Variants in SCN1A observed in about 807,000 individuals in gnomAD.
SCN1A encodes the protein sodium voltage-gated channel alpha subunit 1, also known as sodium channel protein type 1 subunit alpha.
In SCN1A, 13 loss-of-function variants were observed where a neutral mutation model predicts 193.7. That is an observed-to-expected ratio of 0.07 (90% CI 0.04 to 0.11). SCN1A has a LOEUF of 0.11. Ranked by LOEUF, SCN1A falls within the 10% of genes least tolerant of loss-of-function variation. The pLI, the probability that SCN1A is intolerant of heterozygous loss-of-function variation, is 1.00. For synonymous variants in SCN1A, 781 were observed against 843.6 expected, an observed-to-expected ratio of 0.93 and a Z score of 1.29; for missense variants, 1,432 against 2,451.1, an observed-to-expected ratio of 0.58 and a Z score of 8.78.
At chr2:166,121,091 G>A (rs1264799892) in intron 2 of SCN1A, among the ~76,000 whole-genome samples, 1 of 144,130 alleles carries the variant, frequency 6.9e-6, no homozygotes, top group Non-Finnish European at 1.5e-5. Context: ...GAATTTTGGT[G>A]TTAAACATGA....
chr2:166,065,507 G>A (rs984844053), intron 4 of SCN1A, among the ~76,000 whole-genome samples: 13 of 152,244 alleles, frequency 8.5e-5, no homozygotes, highest in African/African-American at 2.6e-4. Context: ...GTGAGTTCAA[G>A]CCAAGCTTTT....
chr2:166,084,500 G>C (rs919550425), intron 2 of SCN1A, among the ~76,000 whole-genome samples: 3 of 152,116 alleles, frequency 2.0e-5, no homozygotes, highest in Non-Finnish European at 4.4e-5. Flanking sequence ...AGAGGAAATA[G>C]TGCCTGAGTC....
rs142324052 is a variant in SCN1A at position 166,026,967 on chromosome 2, A to G, written c.3429+9081T>C. 172 of 152,318 alleles carry G rather than the reference A, an allele frequency of 1.1e-3. 1 individual carries two copies. Among genetic ancestry groups the G allele is most frequent in the African/African-American group, 4.0e-3 (166 of 41,578 alleles). The allele number at this position is 152,318 out of a possible 1,614,324, so 9.4% of individuals were successfully genotyped here. A position where few individuals can be genotyped will look rare whatever the true frequency, so the allele number is the denominator to read the frequency against. Reference sequence around the variant, plus strand: ...CGGAATATTTCTTAAAATCTATTTTAATGTTTATTAAACCATGAATCAACC... The same window carrying G: ...CGGAATATTTCTTAAAATCTATTTTGATGTTTATTAAACCATGAATCAACC... On this transcript the variant is annotated intron_variant, in intron 19 of 28. Transcript: ENST00000674923.
intron 19 of SCN1A, among the ~76,000 whole-genome samples, chr2:166,022,755 G>T (rs1365954): frequency 6.6e-6 from 1 of 152,112 alleles, no homozygotes; most frequent in Non-Finnish European, 1.5e-5. Flanking sequence ...TTTTCTTCAA[G>T]AAATAAATAA....
chr2:166,061,197 C>G (rs1328888564), intron 4 of SCN1A, among the ~76,000 whole-genome samples: 1 of 151,966 alleles, frequency 6.6e-6, no homozygotes, highest in African/African-American at 2.4e-5. Context: ...ACTGTTCAGC[C>G]CAAACCATGA....
intron 18 of SCN1A, among the ~76,000 whole-genome samples, chr2:166,036,740 T>C (rs897355714): frequency 6.6e-6 from 1 of 152,202 alleles, no homozygotes; most frequent in African/African-American, 2.4e-5. Flanking sequence ...ATGATTTCTG[T>C]TGCTCTCAAG....
chr2:165,995,443 C>T (rs1268348105), intron 27 of SCN1A, among the ~76,000 whole-genome samples: 1 of 151,736 alleles, frequency 6.6e-6, no homozygotes, highest in Non-Finnish European at 1.5e-5. Context: ...TATTTATCAT[C>T]ATAAACTGTA....
chr2:166,140,407 A>G lies in SCN1A; in HGVS notation c.-50+8640T>C, dbSNP rs374237665. On this transcript the variant is annotated intron_variant, in intron 1 of 26. Coordinates refer to the SCN1A transcript ENST00000635750. Reference sequence around the variant, plus strand: ...CTGACCGAAGATAGTTTTTAGGTGTATGATCAGTCTGTAGCCTGGATTCTT... The same window carrying G: ...CTGACCGAAGATAGTTTTTAGGTGTGTGATCAGTCTGTAGCCTGGATTCTT... Among the ~76,000 whole-genome samples the G allele has an allele frequency of 2.6e-5, 4 of 152,248 alleles. No homozygotes were observed. The East Asian group carries it at 5.8e-4, about 22-fold the overall frequency.
intron 2 of SCN1A, among the ~76,000 whole-genome samples, chr2:166,085,285 A>G (rs1685988904): frequency 6.6e-6 from 1 of 152,182 alleles, no homozygotes; most frequent in African/African-American, 2.4e-5. Flanking sequence ...TATTTAATTT[A>G]TGTTTTAAGA....
At chr2:166,000,190 C>T (rs1159025979) in intron 24 of SCN1A, 1 of 198,128 alleles carries the variant, frequency 5.0e-6, no homozygotes, top group African/African-American at 2.3e-5. Context: ...GCAGGGTGAT[C>T]AAAGTGATTG....
chr2:166,006,034 T>C (rs2105536467), intron 23 of SCN1A, among the ~76,000 whole-genome samples: 1 of 151,476 alleles, frequency 6.6e-6, no homozygotes, highest in South Asian at 2.1e-4. Flanking sequence ...GGATTGATAA[T>C]TAAATATGCA....
At chr2:166,079,543 CAT>C (rs1330556702) in intron 2 of SCN1A, among the ~76,000 whole-genome samples, 1 of 150,208 alleles carries the variant, frequency 6.7e-6, no homozygotes, top group Admixed American at 6.7e-5. Flanking sequence ...TATATTTTAA[CAT>C]ATGTGATCAT....
At chr2:166,046,673 C>T in intron 12 of SCN1A, 97 bp downstream of exon 12, 1 of 1,136,560 alleles carries the variant, frequency 8.8e-7, no homozygotes, top group Non-Finnish European at 1.3e-6. Context: ...ATTAATTCCT[C>T]ATACAACCAC....
intron 10 of SCN1A, 28 bp downstream of exon 10, chr2:166,048,858 C>A: frequency 1.4e-6 from 2 of 1,431,310 alleles, no homozygotes; most frequent in South Asian, 1.1e-5. Flanking sequence ...TACAAATATA[C>A]ACAGATACAC....
intron 23 of SCN1A, among the ~76,000 whole-genome samples, chr2:166,005,089 C>T (rs1278189857): frequency 1.3e-5 from 2 of 151,340 alleles, no homozygotes; most frequent in Non-Finnish European, 3.0e-5. Flanking sequence ...TTATCTGGTA[C>T]CCATATTACT....
intron 2 of SCN1A, among the ~76,000 whole-genome samples, chr2:166,079,432 CT>C (rs1685277242): frequency 6.8e-6 from 1 of 146,680 alleles, no homozygotes; most frequent in Admixed American, 7.0e-5. Flanking sequence ...CTTATTTGCA[CT>C]TATCTAGTAT....
At chr2:166,148,879 C>T (rs1395858302) in intron 1 of SCN1A, among the ~76,000 whole-genome samples, 1 of 152,150 alleles carries the variant, frequency 6.6e-6, no homozygotes, top group Non-Finnish European at 1.5e-5. Flanking sequence ...GATTTATTTA[C>T]TCCTTAAGTG....
chr2:166,040,974 C>CATATAATAT (rs1697095312), intron 16 of SCN1A, among the ~76,000 whole-genome samples: 2 of 152,162 alleles, frequency 1.3e-5, no homozygotes, highest in Non-Finnish European at 2.9e-5. Flanking sequence ...ACTTCTGGAT[C>CATATAATAT]CTGAAAAATT....
At chr2:166,095,543 T>G (rs567475761) in intron 2 of SCN1A, among the ~76,000 whole-genome samples, 3 of 152,300 alleles carry the variant, frequency 2.0e-5, no homozygotes, top group African/African-American at 7.2e-5. Context: ...ATCCCATGAT[T>G]CTCCTGTTCT....
Sources: allele counts gnomAD v4.1 joint callset (sites outside exome capture counted in the v4.1 genomes callset), GRCh38; gene constraint gnomAD v4.1.1; transcripts MANE v1.5; gene names NCBI Gene and HGNC (gene_info 2026-07-23, HGNC 2026-07-21).